MYH4: variants seen among roughly 807,000 people sequenced by gnomAD.
The protein encoded by MYH4 is myosin-4.
A neutral mutation model predicts 229.9 loss-of-function variants in MYH4; 200 were observed. The ratio of observed to expected loss-of-function variants is 0.87; its 90% confidence interval spans 0.78 to 0.98. The LOEUF is 0.98. MYH4 is among the 50% of genes least tolerant of loss of function. The pLI is 0.00. For synonymous variants in MYH4, 761 were observed against 834.6 expected, an observed-to-expected ratio of 0.91 and a Z score of 1.52; for missense variants, 2,148 against 2,332.6, an observed-to-expected ratio of 0.92 and a Z score of 1.63.
chr17:10,448,349 A>G (rs2072535147), intron 33 of MYH4, 47 bp downstream of exon 33: 1 of 1,571,844 alleles, frequency 6.4e-7, no homozygotes, highest in African/African-American at 1.4e-5. Context: ...GTTGCTATTA[A>G]TTTTCAATTT....
In MYH4 at chr17:10,448,790, G is replaced by C; in HGVS notation, c.4366-7C>G. 1 of 1,613,626 alleles carries C rather than the reference G, an allele frequency of 6.2e-7. No individual in the cohort carries two copies. The highest frequency in any genetic ancestry group is 1.7e-5 in the Admixed American group (1 of 59,902). ...GTTTCCATTCTGCCAGAACCTGGAA[G>C]TATATAGAAAATAAGCCTTTGAAAC... On this transcript the variant is annotated splice_region_variant and splice_polypyrimidine_tract_variant and intron_variant, in intron 31 of 39. Coordinates refer to ENST00000255381, the MANE Select transcript of MYH4 (RefSeq NM_017533.2).
At chr17:10,464,792 CT>C in intron 5 of MYH4, 84 bp from the exon 6 acceptor site, 2 of 1,338,272 alleles carry the variant, frequency 1.5e-6, no homozygotes, top group South Asian at 1.3e-5. Flanking sequence ...TCAAAATTGT[CT>C]TTTAAAACTC....
rs993980135 is a variant in MYH4 at position 10,448,622 on chromosome 17, TA to T, written c.4526del (p.Leu1509TyrfsTer8). On this transcript the variant is annotated frameshift_variant, in exon 32 of 40. Coordinates refer to ENST00000255381, the MANE Select transcript of MYH4 (RefSeq NM_017533.2). LOFTEE classifies it high-confidence loss of function. ...LETLKRENKN[L>X]QQEISDLTEQ... Reference sequence around the variant, plus strand: ...AGAATGATTACAGTGACTCACGTTGTAAGTTCTTATTCTCTCGCTTTAGAGT... The same window carrying T: ...AGAATGATTACAGTGACTCACGTTGTAGTTCTTATTCTCTCGCTTTAGAGT... 1.5e-5 allele frequency: 25 copies of T among 1,613,470 alleles called. No homozygotes were observed. Among genetic ancestry groups the T allele is most frequent in the Non-Finnish European group, 2.0e-5 (24 of 1,179,810 alleles).
At chr17:10,463,523 T>G in intron 8 of MYH4, 28 bp downstream of exon 8, 2 of 1,599,234 alleles carry the variant, frequency 1.3e-6, no homozygotes, top group Admixed American at 1.7e-5. Flanking sequence ...GTGCTGATCC[T>G]CAAGAAAATG....
At chr17:10,452,676 A>G in intron 25 of MYH4, 111 bp downstream of exon 25, 1 of 1,356,478 alleles carries the variant, frequency 7.4e-7, no homozygotes, top group Non-Finnish European at 1.0e-6. Flanking sequence ...CAAAGATGTC[A>G]TTATTTTTTT....
At chr17:10,465,144 G>T (rs558580894) in intron 5 of MYH4, among the ~76,000 whole-genome samples, 23 of 152,254 alleles carry the variant, frequency 1.5e-4, no homozygotes, top group African/African-American at 5.5e-4. Context: ...CAGAGTTGAT[G>T]CCTAAATTTA....
chr17:10,465,619 C>A, intron 4 of MYH4, 21 bp from the exon 5 acceptor site: 1 of 1,613,946 alleles, frequency 6.2e-7, no homozygotes, highest in Non-Finnish European at 8.5e-7. Context: ...GGACGGGGTT[C>A]CTCGATCAGC....
At chr17:10,450,955 G>T in intron 28 of MYH4, 60 bp from the exon 29 acceptor site, 3 of 1,359,486 alleles carry the variant, frequency 2.2e-6, no homozygotes, top group South Asian at 1.2e-5. Flanking sequence ...ATAATTTAAA[G>T]AATGGAATAA....
At chr17:10,466,808 T>C in intron 2 of MYH4, 24 bp from the exon 3 acceptor site, 1 of 1,586,018 alleles carries the variant, frequency 6.3e-7, no homozygotes, top group Non-Finnish European at 8.6e-7. Context: ...CAGAGCCAAA[T>C]GATGATTCAG....
intron 11 of MYH4, among the ~76,000 whole-genome samples, chr17:10,461,340 C>A (rs572778846): frequency 6.6e-6 from 1 of 152,168 alleles, no homozygotes; most frequent in Non-Finnish European, 1.5e-5. Flanking sequence ...ACTTTTGATG[C>A]CAAGGCCAGT....
At chr17:10,451,300 A>T in intron 28 of MYH4, 26 bp downstream of exon 28, 2 of 1,611,084 alleles carry the variant, frequency 1.2e-6, no homozygotes, top group Non-Finnish European at 1.7e-6. Context: ...CACCTCTCCG[A>T]AGGTTGATGC....
At position 10,444,891 on chromosome 17, in the gene MYH4, C is replaced by T. The variant is rs1241165134; in HGVS notation, c.5475G>A (p.Glu1825=). ...GTTCACTTTCCACCTCACTTTCAAG[C>T]TCTCTCACCTGGAAGGGAACAAAGA... The part of the protein sequence containing the change: ...QIQKLEARVR[E]LESEVESEQK... The change falls in exon 38 of 40, where the codon GAG becomes GAA. Residue 1825 remains glutamate (E), a synonymous_variant. Transcript: ENST00000255381. The T allele has an allele frequency of 6.2e-7, 1 of 1,614,130 alleles. No homozygotes were observed. Among genetic ancestry groups the T allele is most frequent in the Non-Finnish European group, 8.5e-7 (1 of 1,180,022 alleles).
intron 15 of MYH4, 44 bp downstream of exon 15, chr17:10,459,207 C>G (rs775660975): frequency 6.2e-7 from 1 of 1,613,828 alleles, no homozygotes; most frequent in South Asian, 1.1e-5. Context: ...GGGAGGCAAG[C>G]AATTTGGTTT....
chr17:10,458,999 A>T (rs1320251775), intron 15 of MYH4, among the ~76,000 whole-genome samples: 1 of 152,240 alleles, frequency 6.6e-6, no homozygotes, highest in African/African-American at 2.4e-5. Context: ...GTGTAGGAAG[A>T]AAAGTGAGGG....
In MYH4 at chr17:10,452,259, G is replaced by A. The variant is rs553130444; in HGVS notation, c.3420C>T (p.Arg1140=). 6.8e-6 allele frequency: 11 copies of A among 1,613,924 alleles called. No individual in the cohort carries two copies. Among genetic ancestry groups the A allele is most frequent in the African/African-American group, 2.7e-5 (2 of 74,916 alleles). ...CCTCCAGCTCCCGGGAGAGGTCAGA[G>A]CGCTGCTTCTCTGCTTTGGCCCGGG... The part of the protein sequence containing the change: ...RASRAKAEKQ[R]SDLSRELEEI... The change falls in exon 27 of 40, where the codon CGC becomes CGT. Residue 1140 remains arginine, a synonymous_variant. Coordinates refer to ENST00000255381, the MANE Select transcript of MYH4 (RefSeq NM_017533.2).
Position 10,451,454 on chromosome 17 carries a change from T to G in MYH4, c.3739-2A>C. The G allele has an allele frequency of 6.2e-7, 1 of 1,612,960 alleles. No homozygotes were observed. The highest frequency in any genetic ancestry group is 1.1e-5 in the South Asian group (1 of 90,854). Reference sequence around the variant, plus strand: ...GCGGCACATTTTCTCAAAGTTTGCCTGGGGTGAGAGGTAGAAAACAGGAAG... The same window carrying G: ...GCGGCACATTTTCTCAAAGTTTGCCGGGGGTGAGAGGTAGAAAACAGGAAG... On this transcript the variant is annotated splice_acceptor_variant, in intron 27 of 39. Coordinates refer to ENST00000255381, the MANE Select transcript of MYH4 (RefSeq NM_017533.2). LOFTEE classifies it high-confidence loss of function.
Position 10,455,077 on chromosome 17 carries a change from C to A in MYH4, c.2299G>T (p.Val767Phe). 6.2e-7 allele frequency: 1 copy of A among 1,614,108 alleles called. No individual in the cohort carries two copies. The highest frequency in any genetic ancestry group is 8.5e-7 in the Non-Finnish European group (1 of 1,180,018). The change falls in exon 21 of 40, where the codon GTT (valine) becomes TTT (phenylalanine). Residue 767 changes from valine to phenylalanine, a missense_variant and splice_region_variant. Val to Phe is a conservative substitution (Grantham distance 50, BLOSUM62 -1). Coordinates refer to ENST00000255381, the MANE Select transcript of MYH4 (RefSeq NM_017533.2). ...CCCAGCAGGCCAGCTTTGAAGAAAA[C>A]CTTATGAAAGAACAAGTTAAATATG... ...HTQYKFGHTK[V>F]FFKAGLLGTL...
chr17:10,452,201 C>T lies in MYH4; in HGVS notation c.3478G>A (p.Ala1160Thr). Residue 1160 changes from alanine (A) to threonine (T), a missense_variant, in exon 27 of 40, where the codon GCC becomes ACC. Physicochemically the swap from Ala to Thr is moderately conservative, Grantham distance 58. Coordinates refer to ENST00000255381, the MANE Select transcript of MYH4 (RefSeq NM_017533.2). Reference sequence around the variant, plus strand: ...TTCATCTCAATCTGGGCTGAAGTGGCCCCACCGGCTTCTTCCAGCCTCTCA... The same window carrying T: ...TTCATCTCAATCTGGGCTGAAGTGGTCCCACCGGCTTCTTCCAGCCTCTCA... ...ISERLEEAGGATSAQIEMNKK... is the reference protein window; with the variant it reads ...ISERLEEAGGTTSAQIEMNKK... 2 of 1,613,876 alleles carry T rather than the reference C, an allele frequency of 1.2e-6. No individual in the cohort carries two copies. The highest frequency in any genetic ancestry group is 1.7e-6 in the Non-Finnish European group (2 of 1,180,020).
intron 19 of MYH4, 25 bp downstream of exon 19, chr17:10,455,589 A>G: frequency 6.2e-7 from 1 of 1,613,360 alleles, no homozygotes; most frequent in South Asian, 1.1e-5. Context: ...AAGACATTGG[A>G]AGGGAAAAAT....
Sources: gnomAD v4.1 joint callset for allele counts (sites outside exome capture counted in the v4.1 genomes callset) on GRCh38, gnomAD v4.1.1 for gene constraint, MANE v1.5 for transcripts, NCBI Gene and HGNC (gene_info 2026-07-23, HGNC 2026-07-21) for gene names.